Variants in RAP1A observed in about 807,000 individuals in gnomAD.
RAP1A encodes the protein ras-related protein Rap-1A.
In RAP1A, 6 loss-of-function variants were observed where a neutral mutation model predicts 26.4. That is an observed-to-expected ratio of 0.23 (90% confidence interval 0.12 to 0.45). RAP1A has a LOEUF of 0.45. RAP1A is among the 20% of genes least tolerant of loss of function. The probability of loss-of-function intolerance (pLI) is 0.99; values close to 1 mark genes in which losing one functional copy is unlikely to be tolerated. For missense variants in RAP1A, 121 were observed against 217.2 expected, an observed-to-expected ratio of 0.56 and a Z score of 2.78; for synonymous variants, 73 against 79.4, an observed-to-expected ratio of 0.92 and a Z score of 0.43.
intron 1 of RAP1A, among the ~76,000 whole-genome samples, chr1:111,632,019 G>T (rs962431581): frequency 1.3e-5 from 2 of 152,072 alleles, no homozygotes; most frequent in Non-Finnish European, 2.9e-5. Flanking sequence ...CTGAAATGAG[G>T]TGATGGAATT....
chr1:111,621,534 G>C, intron 1 of RAP1A, among the ~76,000 whole-genome samples: 1 of 152,142 alleles, frequency 6.6e-6, no homozygotes, highest in Admixed American at 6.5e-5. Context: ...GATCATACGT[G>C]TTAAGTATTT....
chr1:111,662,650 A>C (rs1338026806), intron 1 of RAP1A, among the ~76,000 whole-genome samples: 1 of 152,188 alleles, frequency 6.6e-6, no homozygotes, highest in Non-Finnish European at 1.5e-5. Context: ...ATAGTTTTCT[A>C]ATGTGGCAGT....
At chr1:111,706,818 A>G (rs1662209058) in intron 6 of RAP1A, 4 of 844,340 alleles carry the variant, frequency 4.7e-6, no homozygotes, top group Non-Finnish European at 5.7e-6. Context: ...GAATAATACT[A>G]CAAGCATTAG....
At chr1:111,578,051 T>A (rs191768418) in intron 1 of RAP1A, among the ~76,000 whole-genome samples, 1 of 152,200 alleles carries the variant, frequency 6.6e-6, no homozygotes, top group South Asian at 2.1e-4. Context: ...AATGTCTAAA[T>A]GGACAAGGAG....
At chr1:111,666,822 G>A (rs1660809105) in intron 1 of RAP1A, among the ~76,000 whole-genome samples, 1 of 152,192 alleles carries the variant, frequency 6.6e-6, no homozygotes, top group Non-Finnish European at 1.5e-5. Flanking sequence ...GGAGAAGGAA[G>A]AAGTCATTGC....
At chr1:111,564,874 G>GAAA (rs1447468599) in intron 1 of RAP1A, among the ~76,000 whole-genome samples, 5 of 151,902 alleles carry the variant, frequency 3.3e-5, no homozygotes, top group Non-Finnish European at 7.4e-5. Context: ...GATCACCCCA[G>GAAA]AAAAAGCCCC....
At chr1:111,689,508 C>T (rs1571563549) in intron 1 of RAP1A, among the ~76,000 whole-genome samples, 1 of 132,678 alleles carries the variant, frequency 7.5e-6, no homozygotes, top group South Asian at 2.7e-4. Flanking sequence ...TTTTTGAATA[C>T]TGTAAGTTCT....
chr1:111,636,804 A>G (rs988297858), intron 1 of RAP1A, among the ~76,000 whole-genome samples: 1 of 152,172 alleles, frequency 6.6e-6, no homozygotes, highest in Non-Finnish European at 1.5e-5. Flanking sequence ...TGAATTCATT[A>G]AAGGAAAGGG....
chr1:111,623,940 C>T lies in RAP1A; in HGVS notation c.-28+4006C>T, dbSNP rs564498842. ...TGTTTCTGACATGTGATAGGGACAC[C>T]GTAAATGTTCATTGAACCTCAGATC... is the stretch of plus-strand genomic sequence containing the variant. On this transcript the variant is annotated intron_variant, in intron 1 of 7. Transcript: ENST00000369709. Among the ~76,000 whole-genome samples, 3 of 152,124 alleles carry T rather than the reference C, an allele frequency of 2.0e-5. No homozygotes were observed. In the East Asian group the frequency reaches 5.8e-4, roughly 29 times the overall value.
chr1:111,613,205 TTTC>T (rs1292638159), intron 1 of RAP1A, among the ~76,000 whole-genome samples: 2 of 151,864 alleles, frequency 1.3e-5, no homozygotes, highest in Non-Finnish European at 2.9e-5. Context: ...TCTTTTTCTT[TTTC>T]TTTTTTTTTG....
chr1:111,561,860 C>G (rs1398839293), intron 1 of RAP1A, among the ~76,000 whole-genome samples: 1 of 152,084 alleles, frequency 6.6e-6, no homozygotes, highest in Non-Finnish European at 1.5e-5. Flanking sequence ...AGTCCTAACT[C>G]AGGGCCAAGC....
intron 1 of RAP1A, among the ~76,000 whole-genome samples, chr1:111,557,144 AGACT>A (rs1657527172): frequency 6.6e-6 from 1 of 152,232 alleles, no homozygotes; most frequent in African/African-American, 2.4e-5. Flanking sequence ...AATGATATTT[AGACT>A]GACAACTGAT....
At chr1:111,650,337 T>G (rs1660225865) in intron 1 of RAP1A, 2 of 152,172 alleles carry the variant, frequency 1.3e-5, no homozygotes, top group African/African-American at 2.4e-5. Flanking sequence ...TATGATTTAC[T>G]TATAATTTCT....
intron 1 of RAP1A, among the ~76,000 whole-genome samples, chr1:111,585,510 T>C (rs1658350030): frequency 1.3e-5 from 2 of 152,246 alleles, no homozygotes; most frequent in African/African-American, 4.8e-5. Context: ...TAATACGGTT[T>C]TTTTGATGTC....
chr1:111,622,851 C>A (rs1342003830), intron 1 of RAP1A, among the ~76,000 whole-genome samples: 2 of 152,080 alleles, frequency 1.3e-5, no homozygotes, highest in Admixed American at 1.3e-4. Flanking sequence ...GTTTCACAGT[C>A]TGTCATTGTT....
chr1:111,554,598 C>T (rs1657404785), intron 1 of RAP1A, among the ~76,000 whole-genome samples: 3 of 152,152 alleles, frequency 2.0e-5, no homozygotes, highest in Admixed American at 2.0e-4. Flanking sequence ...ATCATATGCT[C>T]AGTGAATAAT....
intron 1 of RAP1A, among the ~76,000 whole-genome samples, chr1:111,570,052 T>C (rs1658016188): frequency 6.6e-6 from 1 of 152,182 alleles, no homozygotes; most frequent in Non-Finnish European, 1.5e-5. Flanking sequence ...ACCTTCTTAA[T>C]GTCCCAGGGG....
intron 1 of RAP1A, among the ~76,000 whole-genome samples, chr1:111,637,395 T>C (rs577390500): frequency 6.6e-6 from 1 of 152,340 alleles, no homozygotes; most frequent in East Asian, 1.9e-4. Context: ...TCATGAAATT[T>C]TAATGCCACA....
At chr1:111,545,121 C>T (rs1656987487) in intron 1 of RAP1A, among the ~76,000 whole-genome samples, 1 of 151,848 alleles carries the variant, frequency 6.6e-6, no homozygotes, top group Non-Finnish European at 1.5e-5. Flanking sequence ...GGTATATACC[C>T]AATTTCTTGG....
Sources: gnomAD v4.1 joint callset for allele counts (sites outside exome capture counted in the v4.1 genomes callset) on GRCh38, gnomAD v4.1.1 for gene constraint, MANE v1.5 for transcripts, NCBI Gene and HGNC (gene_info 2026-07-23, HGNC 2026-07-21) for gene names.